HHAT: variants seen among roughly 807,000 people sequenced by gnomAD.
HHAT encodes hedgehog acyltransferase.
HHAT carries 47 observed loss-of-function variants against 70.8 expected under a neutral mutation model. The observed-to-expected ratio is 0.66, with a 90% CI of 0.53 to 0.85. The LOEUF (loss-of-function observed/expected upper bound fraction) is 0.85, where lower values mean the gene tolerates loss of function less well. HHAT is among the 40% of genes least tolerant of loss of function. The probability of loss-of-function intolerance (pLI) is 0.00; values close to 1 mark genes in which losing one functional copy is unlikely to be tolerated. For missense variants in HHAT, 609 were observed against 604.8 expected (o/e 1.01, Z -0.07); for synonymous variants, 228 against 247.6 (o/e 0.92, Z 0.74).
intron 1 of HHAT, among the ~76,000 whole-genome samples, chr1:210,345,860 G>T (rs908351320): frequency 1.3e-5 from 2 of 151,902 alleles, no homozygotes; most frequent in African/African-American, 4.8e-5. Flanking sequence ...ACGGTGGGCG[G>T]ATCTCCTGAG....
chr1:210,634,560 G>T (rs1315501748), intron 11 of HHAT, among the ~76,000 whole-genome samples: 1 of 152,172 alleles, frequency 6.6e-6, no homozygotes, highest in African/African-American at 2.4e-5. Context: ...GGTCACACAG[G>T]TCTGTCTGTG....
intron 4 of HHAT, among the ~76,000 whole-genome samples, chr1:210,394,857 C>CCAT (rs2091691670): frequency 6.6e-6 from 1 of 152,178 alleles, no homozygotes; most frequent in African/African-American, 2.4e-5. Flanking sequence ...CCTTCTACCT[C>CCAT]CATCAGTGCA....
intron 10 of HHAT, chr1:210,588,301 G>A (rs1442760845): frequency 1.9e-6 from 1 of 539,034 alleles, no homozygotes; most frequent in East Asian, 2.9e-5. Flanking sequence ...GGGTGTGTGT[G>A]TGTATATATA....
At chr1:210,392,351 G>A (rs2091513084) in intron 4 of HHAT, among the ~76,000 whole-genome samples, 2 of 152,010 alleles carry the variant, frequency 1.3e-5, no homozygotes, top group African/African-American at 2.4e-5. Flanking sequence ...CCTTGTTCTT[G>A]TTCCTCCTTG....
chr1:210,536,888 C>G (rs142367958), intron 9 of HHAT, among the ~76,000 whole-genome samples: 2 of 152,230 alleles, frequency 1.3e-5, no homozygotes, highest in East Asian at 3.9e-4. Context: ...GTAGCATCCC[C>G]CAGAAATGAC....
intron 8 of HHAT, among the ~76,000 whole-genome samples, chr1:210,509,511 T>A (rs11119516): frequency 2.2e-3 from 342 of 152,120 alleles, no homozygotes; most frequent in African/African-American, 7.9e-3. Context: ...TACCCCTAAC[T>A]AACAATCACT....
intron 1 of HHAT, among the ~76,000 whole-genome samples, chr1:210,337,130 G>C (rs1023547165): frequency 6.6e-6 from 1 of 152,170 alleles, no homozygotes. Flanking sequence ...TGATATCAGT[G>C]TGGGGGGAAA....
Position 210,340,242 on chromosome 1 carries a change from GAAAAAAAA to G in HHAT, c.-43-8672_-43-8665del, listed in dbSNP as rs57007952. On this transcript the variant is annotated intron_variant, in intron 1 of 11. Transcript: ENST00000261458. ...GGGGATAGAGCAAGACTCTGTCTCA[GAAAAAAAA>G]AAAAAAAAAAAAAAAAAAGACTCAA... Among the ~76,000 whole-genome samples, 166 of 99,774 alleles carry G rather than the reference GAAAAAAAA, an allele frequency of 1.7e-3. 5 individuals are homozygous for G. The highest frequency in any genetic ancestry group is 3.8e-3 in the South Asian group (11 of 2,902). The allele number at this position is 99,774 out of a possible 152,430, so 65.5% of individuals were successfully genotyped here. A position where few individuals can be genotyped will look rare whatever the true frequency, so the allele number is the denominator to read the frequency against.
At chr1:210,503,984 C>T (rs560556749) in intron 8 of HHAT, among the ~76,000 whole-genome samples, 35 of 152,082 alleles carry the variant, frequency 2.3e-4, no homozygotes, top group Admixed American at 6.5e-5. Context: ...AGATATAACA[C>T]CAAAAGCATG....
chr1:210,352,742 C>T (rs1364111219), intron 2 of HHAT, among the ~76,000 whole-genome samples: 1 of 152,010 alleles, frequency 6.6e-6, no homozygotes, highest in African/African-American at 2.4e-5. Flanking sequence ...ACAGAATACC[C>T]CTTCTTCCCC....
At chr1:210,372,780 GTTT>G (rs56121731) in intron 3 of HHAT, among the ~76,000 whole-genome samples, 1 of 140,246 alleles carries the variant, frequency 7.1e-6, no homozygotes. Flanking sequence ...CAAGGGAGGT[GTTT>G]TTTTTTTTTT....
chr1:210,613,790 G>A (rs1234843567), intron 10 of HHAT, among the ~76,000 whole-genome samples: 1 of 152,112 alleles, frequency 6.6e-6, no homozygotes, highest in African/African-American at 2.4e-5. Context: ...GGCTGAGGTG[G>A]GAGGATCACT....
At chr1:210,507,971 G>A (rs571776973) in intron 8 of HHAT, among the ~76,000 whole-genome samples, 60 of 151,924 alleles carry the variant, frequency 3.9e-4, no homozygotes, top group African/African-American at 1.3e-3. Flanking sequence ...AGGCCAAGGC[G>A]AGTTGATCAC....
intron 7 of HHAT, among the ~76,000 whole-genome samples, chr1:210,447,407 G>A (rs1333037404): frequency 6.6e-6 from 1 of 152,168 alleles, no homozygotes; most frequent in Non-Finnish European, 1.5e-5. Context: ...TTTTATATCA[G>A]TGCACGATGG....
chr1:210,445,578 T>G (rs2093619036), intron 7 of HHAT, among the ~76,000 whole-genome samples: 2 of 152,230 alleles, frequency 1.3e-5, no homozygotes, highest in Admixed American at 1.3e-4. Context: ...TACATAACCC[T>G]TTTAAAATTC....
chr1:210,359,608 C>A (rs991726066), intron 2 of HHAT, among the ~76,000 whole-genome samples: 3 of 152,108 alleles, frequency 2.0e-5, no homozygotes, highest in Non-Finnish European at 4.4e-5. Flanking sequence ...GGCCCTCTAC[C>A]TGCCAAATTA....
chr1:210,344,776 C>T (rs995192806), intron 1 of HHAT, among the ~76,000 whole-genome samples: 1 of 152,082 alleles, frequency 6.6e-6, no homozygotes, highest in African/African-American at 2.4e-5. Flanking sequence ...AGTACAGGCA[C>T]CTGTGAAAAT....
intron 11 of HHAT, among the ~76,000 whole-genome samples, chr1:210,636,579 T>G (rs1233581371): frequency 6.6e-6 from 1 of 152,238 alleles, no homozygotes; most frequent in Non-Finnish European, 1.5e-5. Context: ...GGCCTGGTTA[T>G]TCCTTACTGT....
rs1680868037 is a variant in HHAT, at chr1:210,674,816, T to G, written c.*437T>G. 6.4e-6 allele frequency: 1 copy of G among 156,144 alleles called. No individual in the cohort carries two copies. Among genetic ancestry groups the G allele is most frequent in the Non-Finnish European group, 1.4e-5 (1 of 70,648 alleles). 9.7% of individuals were successfully genotyped at this position (156,144 alleles called of 1,614,324 possible). ...CTAAAATATTTGAGTGACATTGATG[T>G]TTAAGTGACCTCCTTCATCACATCC... On this transcript the variant is annotated 3_prime_UTR_variant, in exon 12 of 12. Coordinates refer to ENST00000261458, the MANE Select transcript of HHAT (RefSeq NM_018194.6).
Sources: gnomAD v4.1 joint callset for allele counts (sites outside exome capture counted in the v4.1 genomes callset) on GRCh38, gnomAD v4.1.1 for gene constraint, MANE v1.5 for transcripts, NCBI Gene and HGNC (gene_info 2026-07-23, HGNC 2026-07-21) for gene names.